The following ADCYAP1R1 variants were observed in gnomAD, a reference collection of about 807,000 sequenced individuals.
ADCYAP1R1 encodes the protein ADCYAP receptor type I, also known as pituitary adenylate cyclase-activating polypeptide type I receptor.
Under a neutral mutation model 67.6 loss-of-function variants are expected in ADCYAP1R1, and 44 were observed. The observed-to-expected ratio is 0.65, with a 90% CI of 0.51 to 0.84. The LOEUF (loss-of-function observed/expected upper bound fraction) is 0.84, where lower values mean the gene tolerates loss of function less well. Ranked by LOEUF, ADCYAP1R1 falls within the 40% of genes least tolerant of loss-of-function variation. The pLI is 0.00. For missense variants in ADCYAP1R1, 477 were observed against 587.9 expected, an observed-to-expected ratio of 0.81 and a Z score of 1.95; for synonymous variants, 222 against 219.6, an observed-to-expected ratio of 1.01 and a Z score of -0.10.
intron 3 of ADCYAP1R1, among the ~76,000 whole-genome samples, chr7:31,077,096 T>C (rs1402026238): frequency 4.6e-5 from 7 of 152,208 alleles, no homozygotes; most frequent in Non-Finnish European, 1.0e-4. Context: ...TCCATTCCTG[T>C]TTGAGGGATA....
In ADCYAP1R1 at chr7:31,078,024, G is replaced by A. The variant is rs1795348848; in HGVS notation, c.191G>A (p.Trp64Ter). Residue 64 changes from tryptophan (W) to a stop codon, truncating the protein, a stop_gained, in exon 4 of 16, where the codon TGG becomes TAG. Coordinates refer to ENST00000304166, the MANE Select transcript of ADCYAP1R1 (RefSeq NM_001118.5). LOFTEE classifies it high-confidence loss of function. ...GGGATGTGGGACAACATCACGTGTT[G>A]GAAGCCCGCCCATGTGGGTGAGATG... is the stretch of plus-strand genomic sequence containing the variant. ...CPGMWDNITC[W>*]KPAHVGEMVL... 1.2e-6 allele frequency: 2 copies of A among 1,612,846 alleles called. No homozygotes were observed. The highest frequency in any genetic ancestry group is 1.7e-6 in the Non-Finnish European group (2 of 1,179,380).
chr7:31,103,840 T>C (rs1305438502), intron 14 of ADCYAP1R1, among the ~76,000 whole-genome samples: 1 of 152,164 alleles, frequency 6.6e-6, no homozygotes, highest in Non-Finnish European at 1.5e-5. Flanking sequence ...AACAGAATGC[T>C]GCCTTAGTGC....
Position 31,063,223 on chromosome 7 carries a change from C to T in ADCYAP1R1, c.-42C>T, listed in dbSNP as rs377055655. The T allele has an allele frequency of 2.4e-5, 39 of 1,613,572 alleles. No individual in the cohort carries two copies. In the African/African-American group the frequency reaches 4.5e-4, roughly 19 times the overall value. ...GAGACACATTGGGGCTGACCTGCCG[C>T]TGCTGTCAGTGGGAGGCCAGTGGTG... On this transcript the variant is annotated 5_prime_UTR_variant, in exon 2 of 16. Coordinates refer to ENST00000304166, the MANE Select transcript of ADCYAP1R1 (RefSeq NM_001118.5).
chr7:31,057,761 T>G (rs1794314192), intron 1 of ADCYAP1R1, among the ~76,000 whole-genome samples: 1 of 152,170 alleles, frequency 6.6e-6, no homozygotes, highest in East Asian at 1.9e-4. Context: ...TGTCCCTTGT[T>G]CCTGGCCCTA....
Position 31,106,700 on chromosome 7 carries a change from T to A in ADCYAP1R1, c.*16T>A. 6.3e-7 allele frequency: 1 copy of A among 1,583,778 alleles called. No homozygotes were observed. The highest frequency in any genetic ancestry group is 2.3e-5 in the East Asian group (1 of 43,784). On this transcript the variant is annotated 3_prime_UTR_variant, in exon 16 of 16. Coordinates refer to ENST00000304166, the MANE Select transcript of ADCYAP1R1 (RefSeq NM_001118.5). ...GGCCACCTGAGCCATGCTCCCCTCC[T>A]CCTCCTCTCCTCCATCCACAGGCTG...
chr7:31,083,518 A>T (rs1447398545), intron 6 of ADCYAP1R1, among the ~76,000 whole-genome samples: 2 of 152,244 alleles, frequency 1.3e-5, no homozygotes, highest in Non-Finnish European at 2.9e-5. Context: ...CAACACTTTA[A>T]AAGAAACCCA....
At chr7:31,080,521 G>A in intron 4 of ADCYAP1R1, 92 bp from the exon 5 acceptor site, 1 of 1,333,158 alleles carries the variant, frequency 7.5e-7, no homozygotes, top group East Asian at 2.4e-5. Context: ...AGGAGGAAGT[G>A]ATCAGCAAGA....
chr7:31,093,796 G>A (rs974882902), intron 13 of ADCYAP1R1, among the ~76,000 whole-genome samples: 7 of 152,036 alleles, frequency 4.6e-5, no homozygotes, highest in Admixed American at 6.5e-5. Context: ...GTAGATGCTG[G>A]GGTCACAGCA....
rs370295148 is a variant in ADCYAP1R1 at position 31,063,221 on chromosome 7, C to T, written c.-44C>T. Reference sequence around the variant, plus strand: ...CAGAGACACATTGGGGCTGACCTGCCGCTGCTGTCAGTGGGAGGCCAGTGG... The same window carrying T: ...CAGAGACACATTGGGGCTGACCTGCTGCTGCTGTCAGTGGGAGGCCAGTGG... On this transcript the variant is annotated 5_prime_UTR_variant, in exon 2 of 16. Coordinates refer to ENST00000304166, the MANE Select transcript of ADCYAP1R1 (RefSeq NM_001118.5). The T allele has an allele frequency of 6.3e-5, 102 of 1,612,920 alleles. No homozygotes were observed. The highest frequency in any genetic ancestry group is 3.3e-4 in the Middle Eastern group (2 of 6,074).
chr7:31,091,047 A>G (rs1207582526), intron 12 of ADCYAP1R1, among the ~76,000 whole-genome samples: 1 of 152,138 alleles, frequency 6.6e-6, no homozygotes, highest in Non-Finnish European at 1.5e-5. Context: ...CAGTGTTTCC[A>G]TGTTCCCTTT....
intron 3 of ADCYAP1R1, among the ~76,000 whole-genome samples, chr7:31,076,323 G>T (rs1795212640): frequency 6.6e-6 from 1 of 152,198 alleles, no homozygotes. Context: ...TCAGCATTGT[G>T]GGAGGACAGA....
chr7:31,082,100 A>C (rs1050888900), intron 6 of ADCYAP1R1, among the ~76,000 whole-genome samples: 7 of 152,200 alleles, frequency 4.6e-5, no homozygotes, highest in African/African-American at 1.4e-4. Context: ...TACCTTGTGC[A>C]CTTGTTAAAC....
chr7:31,079,280 G>A (rs1795414110), intron 4 of ADCYAP1R1, among the ~76,000 whole-genome samples: 1 of 152,324 alleles, frequency 6.6e-6, no homozygotes, highest in South Asian at 2.1e-4. Context: ...CAGGAGGCAG[G>A]GTGGCCAGCT....
chr7:31,080,689 C>T, intron 5 of ADCYAP1R1, 56 bp downstream of exon 5: 4 of 1,588,662 alleles, frequency 2.5e-6, no homozygotes, highest in Admixed American at 3.3e-5. Flanking sequence ...CCAGCAGGAG[C>T]CCAGCCTCAG....
At chr7:31,084,668 C>CAGGCCTGAGGCAGCCTGGCTGT in intron 7 of ADCYAP1R1, 69 bp from the exon 8 acceptor site, 8 of 1,336,434 alleles carry the variant, frequency 6.0e-6, no homozygotes, top group Non-Finnish European at 8.6e-6. Context: ...AGACTGGGTG[C>CAGGCCTGAGGCAGCCTGGCTGT]AGGCCTGAGG....
intron 13 of ADCYAP1R1, chr7:31,100,133 C>T (rs1262022585): frequency 4.5e-6 from 7 of 1,550,424 alleles, no homozygotes; most frequent in Admixed American, 2.0e-5. Flanking sequence ...CCAGCAGCTG[C>T]GTGCAGAAAT....
In ADCYAP1R1 at chr7:31,102,187, C is replaced by T. The variant is rs1212865325; in HGVS notation, c.1047-1050C>T. Among the ~76,000 whole-genome samples the T allele has an allele frequency of 6.6e-6, 1 of 152,250 alleles. No individual in the cohort carries two copies. The highest frequency in any genetic ancestry group is 2.4e-5 in the African/African-American group (1 of 41,470). On this transcript the variant is annotated intron_variant, in intron 13 of 15. Coordinates refer to ENST00000304166, the MANE Select transcript of ADCYAP1R1 (RefSeq NM_001118.5). This position sits in a 1 kb window ranked among gnomAD's most constrained non-coding sequence, Gnocchi z 4.3. ...GTAATTGCCCCAAATCAAACGACTG[C>T]CTCATGCCTGCTGTCCACCCCGGGG...
chr7:31,096,670 C>G (rs2267736), intron 13 of ADCYAP1R1, among the ~76,000 whole-genome samples: 110,393 of 151,858 alleles, frequency 0.73, 40,733 homozygotes, highest in Non-Finnish European at 0.8. Flanking sequence ...CTTGTGGTTG[C>G]GGAGGAGGTG....
chr7:31,068,214 C>T (rs201732503), intron 3 of ADCYAP1R1, among the ~76,000 whole-genome samples: 245 of 142,220 alleles, frequency 1.7e-3, no homozygotes, highest in South Asian at 9.2e-3. Flanking sequence ...CATGTGCGCG[C>T]GCACACACAC....
Sources: allele counts gnomAD v4.1 joint callset (sites outside exome capture counted in the v4.1 genomes callset), GRCh38; gene constraint gnomAD v4.1.1; non-coding constraint Gnocchi (gnomAD v3.1); transcripts MANE v1.5; gene names NCBI Gene and HGNC (gene_info 2026-07-23, HGNC 2026-07-21).